Variants in SLC2A13 observed in about 807,000 individuals in gnomAD.
The protein encoded by SLC2A13 is proton myo-inositol cotransporter.
A neutral mutation model predicts 64.4 loss-of-function variants in SLC2A13; 32 were observed. That is an observed-to-expected ratio of 0.50 (90% CI 0.37 to 0.67). The LOEUF (loss-of-function observed/expected upper bound fraction) is 0.67, where lower values mean the gene tolerates loss of function less well. Among genes scored for constraint, SLC2A13 ranks in the 30% least tolerant of loss-of-function variants. SLC2A13 has a pLI of 0.00. For synonymous variants in SLC2A13, 338 were observed against 327.1 expected, an observed-to-expected ratio of 1.03 and a Z score of -0.36; for missense variants, 743 against 829.2, an observed-to-expected ratio of 0.90 and a Z score of 1.28.
Position 40,105,275 on chromosome 12 carries a change from G to A in SLC2A13, c.534C>T (p.Arg178=), listed in dbSNP as rs904588499. 1.9e-6 allele frequency: 3 copies of A among 1,597,036 alleles called. No individual in the cohort carries two copies. The African/African-American group carries it at 4.1e-5, about 22-fold the overall frequency. ...ANNKETLLAG[R]LVVGLGIGIA... is the part of the protein sequence containing the mutation. ...CACCGATGCCGAGTCCCACGACCAG[G>A]CGGCCGGCGAGCAGTGTCTCCTTGT... The change falls in exon 1 of 10, where the codon CGC becomes CGT. Residue 178 remains arginine, a synonymous_variant. Transcript: ENST00000280871. This position sits in a 1 kb window ranked among gnomAD's most constrained non-coding sequence, Gnocchi z 4.2.
intron 4 of SLC2A13, among the ~76,000 whole-genome samples, chr12:39,922,662 G>A (rs1366645750): frequency 6.6e-6 from 1 of 152,124 alleles, no homozygotes; most frequent in Non-Finnish European, 1.5e-5. Context: ...TGTGTATGGG[G>A]GTTTTTCCTT....
intron 3 of SLC2A13, among the ~76,000 whole-genome samples, chr12:39,970,065 C>T: frequency 6.6e-6 from 1 of 152,142 alleles, no homozygotes; most frequent in Non-Finnish European, 1.5e-5. Flanking sequence ...GAATCCTTTC[C>T]CCATTTCTTG....
intron 1 of SLC2A13, among the ~76,000 whole-genome samples, chr12:40,053,281 C>CAAAAAAAAAAAAAAAAAAA (rs35810974): frequency 1.4e-5 from 1 of 69,122 alleles, no homozygotes. Context: ...GACTCCATCT[C>CAAAAAAAAAAAAAAAAAAA]AAAAAAAAAA....
chr12:39,948,661 C>T (rs1388958682), intron 4 of SLC2A13, among the ~76,000 whole-genome samples: 4 of 151,886 alleles, frequency 2.6e-5, no homozygotes, highest in Admixed American at 6.6e-5. Flanking sequence ...TTGAGGTAAA[C>T]GACAGAATTT....
intron 2 of SLC2A13, among the ~76,000 whole-genome samples, chr12:40,032,898 CAG>C (rs1485705790): frequency 1.3e-5 from 2 of 152,176 alleles, no homozygotes; most frequent in African/African-American, 4.8e-5. Flanking sequence ...TTCGTAGTTC[CAG>C]AGGTGTGATG....
intron 6 of SLC2A13, among the ~76,000 whole-genome samples, chr12:39,844,897 T>C (rs1198400448): frequency 6.6e-6 from 1 of 152,066 alleles, no homozygotes; most frequent in Non-Finnish European, 1.5e-5. Context: ...AGAATACGCT[T>C]TAGAAATACT....
At chr12:39,986,255 T>C (rs573768311) in intron 3 of SLC2A13, among the ~76,000 whole-genome samples, 2 of 152,050 alleles carry the variant, frequency 1.3e-5, no homozygotes, top group South Asian at 4.1e-4. Flanking sequence ...AATATATGAA[T>C]TGGGGTGGGG....
intron 3 of SLC2A13, among the ~76,000 whole-genome samples, chr12:40,010,862 G>A (rs1018625763): frequency 2.6e-5 from 4 of 152,108 alleles, no homozygotes; most frequent in Non-Finnish European, 4.4e-5. Flanking sequence ...CAAGTGCCAG[G>A]GCGTCCTGGA....
At chr12:40,093,183 T>C (rs572402031) in intron 1 of SLC2A13, among the ~76,000 whole-genome samples, 1 of 152,336 alleles carries the variant, frequency 6.6e-6, no homozygotes, top group South Asian at 2.1e-4. Context: ...AAAGTATTAA[T>C]TGAAGTTAAA....
intron 1 of SLC2A13, among the ~76,000 whole-genome samples, chr12:40,054,986 A>T (rs751768347): frequency 2.6e-5 from 4 of 152,204 alleles, no homozygotes; most frequent in Non-Finnish European, 5.9e-5. Flanking sequence ...ATCTCTAAAG[A>T]AATACTTTTA....
At position 39,767,978 on chromosome 12, in the gene SLC2A13, G is replaced by C. The variant is rs192234470; in HGVS notation, c.1446-3120C>G. 5.3e-5 allele frequency among the ~76,000 whole-genome samples: 8 copies of C among 152,188 alleles called. No individual in the cohort carries two copies. In the East Asian group the frequency reaches 1.4e-3, roughly 26 times the overall value. ...ATCTCTTTCCTTTATAAACTACCCA[G>C]TCTCAGGCAGTTATTTATAGCAGTG... On this transcript the variant is annotated intron_variant, in intron 7 of 9. Transcript: ENST00000280871.
At chr12:39,829,689 A>C in intron 7 of SLC2A13, 1 of 180,718 alleles carries the variant, frequency 5.5e-6, no homozygotes, top group African/African-American at 2.4e-5. Flanking sequence ...CTGGGATTAC[A>C]GTCGTGATGC....
chr12:40,000,720 C>T (rs1446803373), intron 3 of SLC2A13, among the ~76,000 whole-genome samples: 1 of 152,188 alleles, frequency 6.6e-6, no homozygotes, highest in Non-Finnish European at 1.5e-5. Flanking sequence ...TCTTCCTCTT[C>T]TTATAAGAAT....
chr12:39,909,816 C>T (rs891050894), intron 4 of SLC2A13, among the ~76,000 whole-genome samples: 1 of 150,232 alleles, frequency 6.7e-6, no homozygotes, highest in Admixed American at 6.6e-5. Flanking sequence ...TGTGGGAACT[C>T]AATGAGTTAT....
chr12:40,036,685 T>C (rs1327222013), intron 2 of SLC2A13, among the ~76,000 whole-genome samples: 1 of 152,262 alleles, frequency 6.6e-6, no homozygotes, highest in Non-Finnish European at 1.5e-5. Flanking sequence ...ACTTTAGTGT[T>C]ATAATAAGTC....
chr12:39,837,874 C>A (rs1328910595), intron 6 of SLC2A13, among the ~76,000 whole-genome samples: 2 of 151,104 alleles, frequency 1.3e-5, no homozygotes, highest in Non-Finnish European at 3.0e-5. Flanking sequence ...GAAATAGAAA[C>A]ACTTTTACAC....
intron 6 of SLC2A13, among the ~76,000 whole-genome samples, chr12:39,852,698 G>A (rs1003430133): frequency 3.3e-5 from 5 of 152,206 alleles, no homozygotes; most frequent in African/African-American, 1.2e-4. Flanking sequence ...AAAAGGATCA[G>A]AGGCTACTCC....
At chr12:39,861,829 G>A (rs4473002) in intron 6 of SLC2A13, among the ~76,000 whole-genome samples, 110,750 of 152,110 alleles carry the variant, frequency 0.73, 41,127 homozygotes, top group African/African-American at 0.88. Flanking sequence ...TTATCTTTGT[G>A]CACACTTTTA....
chr12:39,969,043 G>A (rs1482034299), intron 3 of SLC2A13, among the ~76,000 whole-genome samples: 3 of 151,936 alleles, frequency 2.0e-5, no homozygotes, highest in Admixed American at 6.6e-5. Flanking sequence ...GTGAGAACAC[G>A]TGGTGTTTGG....
Sources: gnomAD v4.1 joint callset for allele counts (sites outside exome capture counted in the v4.1 genomes callset) on GRCh38, gnomAD v4.1.1 for gene constraint, Gnocchi (gnomAD v3.1) non-coding constraint, MANE v1.5 for transcripts, NCBI Gene and HGNC (gene_info 2026-07-23, HGNC 2026-07-21) for gene names.